IFT88: variants seen among roughly 807,000 people sequenced by gnomAD.
IFT88 encodes intraflagellar transport 88.
IFT88 carries 74 observed loss-of-function variants against 119.5 expected under a neutral mutation model. The ratio of observed to expected loss-of-function variants is 0.62; its 90% CI spans 0.51 to 0.75. IFT88 has a LOEUF of 0.75. Among genes scored for constraint, IFT88 ranks in the 30% least tolerant of loss-of-function variants. IFT88 has a pLI of 0.00. For synonymous variants in IFT88, 279 were observed against 316.7 expected (o/e 0.88, Z 1.26); for missense variants, 961 against 977.7 (o/e 0.98, Z 0.23).
intron 14 of IFT88, among the ~76,000 whole-genome samples, chr13:20,620,180 T>C (rs114487743): frequency 0.019 from 2,965 of 152,290 alleles, 109 homozygotes; most frequent in African/African-American, 0.067. Flanking sequence ...TTGTGTGTAG[T>C]GTGAAGTAAG....
Position 20,644,951 on chromosome 13 carries a change from C to T in IFT88, c.1942C>T (p.Leu648Phe). 6.9e-7 allele frequency: 1 copy of T among 1,455,652 alleles called. No homozygotes were observed. Among genetic ancestry groups the T allele is most frequent in the Non-Finnish European group, 9.6e-7 (1 of 1,043,316 alleles). The allele number at this position is 1,455,652 out of a possible 1,614,324, so 90.2% of individuals were successfully genotyped here. A position where few individuals can be genotyped will look rare whatever the true frequency, so the allele number is the denominator to read the frequency against. ...TATTCAGTACTTTGAAAGAGCTTCT[C>T]TTATACAGTAAGTAATCATTAGGAT... ...KAIQYFERAS[L>F]IQPTQVKWQL... The change falls in exon 20 of 26, where the codon CTT becomes TTT. Residue 648 changes from leucine (L) to phenylalanine (F), a missense_variant. Coordinates refer to ENST00000351808, the MANE Select transcript of IFT88 (RefSeq NM_006531.5).
At chr13:20,578,419 G>C (rs1473471622) in intron 2 of IFT88, among the ~76,000 whole-genome samples, 2 of 143,588 alleles carry the variant, frequency 1.4e-5, no homozygotes, top group African/African-American at 5.2e-5. Flanking sequence ...TCAGGTTTTG[G>C]ATTTCTTCAT....
chr13:20,637,114 T>A (rs186254556), intron 16 of IFT88, among the ~76,000 whole-genome samples: 2 of 152,106 alleles, frequency 1.3e-5, no homozygotes, highest in Non-Finnish European at 2.9e-5. Flanking sequence ...GAAAACAGAT[T>A]AGTGGTTGCC....
intron 24 of IFT88, among the ~76,000 whole-genome samples, chr13:20,690,085 A>G (rs1198450324): frequency 6.6e-6 from 1 of 152,198 alleles, no homozygotes; most frequent in Non-Finnish European, 1.5e-5. Context: ...GTTCTGATTT[A>G]TTCCCAGAGA....
At chr13:20,594,740 C>T (rs1399313206) in intron 7 of IFT88, among the ~76,000 whole-genome samples, 1 of 152,108 alleles carries the variant, frequency 6.6e-6, no homozygotes, top group Non-Finnish European at 1.5e-5. Context: ...CATAAAACTA[C>T]CATCTATTAT....
intron 11 of IFT88, 45 bp from the exon 12 acceptor site, chr13:20,601,660 A>G: frequency 7.6e-7 from 1 of 1,307,568 alleles, no homozygotes; most frequent in Non-Finnish European, 1.1e-6. Context: ...ATGCCATACT[A>G]AAGAGTTCAG....
intron 14 of IFT88, among the ~76,000 whole-genome samples, chr13:20,617,898 A>G (rs992984472): frequency 1.3e-5 from 2 of 151,970 alleles, no homozygotes; most frequent in Non-Finnish European, 2.9e-5. Context: ...GGTTCAAGTG[A>G]TCCTCCTGCC....
intron 20 of IFT88, 48 bp downstream of exon 20, chr13:20,645,006 T>A (rs747726834): frequency 1.2e-6 from 1 of 858,156 alleles, no homozygotes; most frequent in Non-Finnish European, 1.9e-6. Context: ...ATGTCTTGAG[T>A]TTTTTTAATC....
At chr13:20,640,737 A>G (rs965888656) in intron 17 of IFT88, among the ~76,000 whole-genome samples, 1 of 152,142 alleles carries the variant, frequency 6.6e-6, no homozygotes, top group African/African-American at 2.4e-5. Flanking sequence ...ATTCTGTTCT[A>G]TTGGTCTGTT....
intron 11 of IFT88, among the ~76,000 whole-genome samples, chr13:20,601,387 T>C (rs1017588676): frequency 4.0e-5 from 6 of 149,496 alleles, no homozygotes; most frequent in Admixed American, 1.3e-4. Flanking sequence ...AAAAGACTAA[T>C]GGTTACCTAG....
At position 20,591,627 on chromosome 13, in the gene IFT88, A is replaced by G. The variant is rs772579820; in HGVS notation, c.274A>G (p.Thr92Ala). 4.3e-6 allele frequency: 7 copies of G among 1,612,164 alleles called. No homozygotes were observed. The highest frequency in any genetic ancestry group is 5.9e-6 in the Non-Finnish European group (7 of 1,178,526). ...PMTGAIQDGV[T>A]RPMTAVRAAG... ...CCCATTCTCTTTAAAGGATGGAGTT[A>G]CTAGACCCATGACAGCAGTGAGAGC... The change falls in exon 6 of 26, where the codon ACT becomes GCT. Residue 92 changes from threonine to alanine, a missense_variant. Transcript: ENST00000351808.
intron 20 of IFT88, among the ~76,000 whole-genome samples, chr13:20,645,596 A>T (rs2050621801): frequency 6.6e-6 from 1 of 152,160 alleles, no homozygotes; most frequent in South Asian, 2.1e-4. Flanking sequence ...TCATCTCTAA[A>T]AGAGTCTTAA....
chr13:20,614,571 G>C (rs1038460958), intron 13 of IFT88: 1 of 152,140 alleles, frequency 6.6e-6, no homozygotes, highest in Non-Finnish European at 1.5e-5. Flanking sequence ...TGAAGAAGGG[G>C]TGGGAGTTGG....
chr13:20,632,587 T>A lies in IFT88; in HGVS notation c.1386+1485T>A, dbSNP rs1050257427. Among the ~76,000 whole-genome samples the A allele has an allele frequency of 4.6e-5, 7 of 152,380 alleles. No individual in the cohort carries two copies. The East Asian group carries it at 1.3e-3, about 29-fold the overall frequency. On this transcript the variant is annotated intron_variant, in intron 16 of 25. Transcript: ENST00000351808. ...CTGCCCTTATTGTAAGAATATTGCA[T>A]TATCCAACCCCTTGTTTAAATTTAC...
intron 17 of IFT88, 136 bp from the exon 18 acceptor site, chr13:20,641,153 AC>A (rs2049893345): frequency 5.1e-6 from 3 of 593,536 alleles, no homozygotes; most frequent in Non-Finnish European, 8.6e-6. Context: ...GTATCAAAAA[AC>A]AAAAACCTGA....
chr13:20,641,339 C>G lies in IFT88; in HGVS notation c.1623C>G (p.Phe541Leu). The G allele has an allele frequency of 1.9e-6, 3 of 1,612,508 alleles. No homozygotes were observed. The highest frequency in any genetic ancestry group is 2.5e-6 in the Non-Finnish European group (3 of 1,179,114). Reference sequence around the variant, plus strand: ...GGCTAGATGAGGCTTTGGACTGTTTCCTGAAACTTCACGCAATCCTACGAA... The same window carrying G: ...GGCTAGATGAGGCTTTGGACTGTTTGCTGAAACTTCACGCAATCCTACGAA... ...LNRLDEALDCFLKLHAILRNS... is the reference protein window; with the variant it reads ...LNRLDEALDCLLKLHAILRNS... The change falls in exon 18 of 26, where the codon TTC becomes TTG. Residue 541 changes from phenylalanine (F) to leucine (L), a missense_variant. Phe to Leu is a conservative substitution (Grantham distance 22, BLOSUM62 0). Coordinates refer to ENST00000351808, the MANE Select transcript of IFT88 (RefSeq NM_006531.5).
Position 20,599,481 on chromosome 13 carries a change from A to G in IFT88, c.728A>G (p.Tyr243Cys), listed in dbSNP as rs1243849210. Residue 243 changes from tyrosine to cysteine, a missense_variant, in exon 11 of 26, where the codon TAT (tyrosine) becomes TGT (cysteine). Physicochemically the swap from Tyr to Cys is radical, Grantham distance 194 (BLOSUM62 -2). Transcript: ENST00000351808. ...TTGAAAATGAATATGGGAAATATCTATTTAAAGCAAAGAAATTATTCCAAA... is the reference window on the plus strand; with the variant it reads ...TTGAAAATGAATATGGGAAATATCTGTTTAAAGCAAAGAAATTATTCCAAA... ...GILKMNMGNIYLKQRNYSKAI... is the reference protein window; with the variant it reads ...GILKMNMGNICLKQRNYSKAI... 3.3e-5 allele frequency: 49 copies of G among 1,488,618 alleles called. No homozygotes were observed. Among genetic ancestry groups the G allele is most frequent in the Non-Finnish European group, 4.4e-5 (47 of 1,078,342 alleles). 92.2% of individuals were successfully genotyped at this position (1,488,618 alleles called of 1,614,324 possible).
intron 22 of IFT88, among the ~76,000 whole-genome samples, chr13:20,657,228 T>A (rs949504668): frequency 1.3e-5 from 2 of 152,240 alleles, no homozygotes; most frequent in Admixed American, 6.5e-5. Context: ...TGTAAAGTTA[T>A]CTTTGTAGAA....
chr13:20,613,880 A>T (rs1214488861), intron 13 of IFT88, among the ~76,000 whole-genome samples: 1 of 152,150 alleles, frequency 6.6e-6, no homozygotes, highest in Non-Finnish European at 1.5e-5. Flanking sequence ...AAATGAAAGA[A>T]GCCAGTCACA....
Sources: allele counts gnomAD v4.1 joint callset (sites outside exome capture counted in the v4.1 genomes callset), GRCh38; gene constraint gnomAD v4.1.1; transcripts MANE v1.5; gene names NCBI Gene and HGNC (gene_info 2026-07-23, HGNC 2026-07-21).